The following TXNRD3 variants were observed in gnomAD, a reference collection of about 807,000 sequenced individuals.
TXNRD3 encodes TXNRD3 neighbor gene protein.
In TXNRD3, 68 loss-of-function variants were observed where a neutral mutation model predicts 78.2. The ratio of observed to expected loss-of-function variants is 0.87; its 90% CI spans 0.72 to 1.06. TXNRD3 has a LOEUF of 1.06. Ranked by LOEUF, TXNRD3 falls within the 50% of genes least tolerant of loss-of-function variation. The pLI, the probability that TXNRD3 is intolerant of heterozygous loss-of-function variation, is 0.00. For missense variants in TXNRD3, 751 were observed against 809.5 expected, an observed-to-expected ratio of 0.93 and a Z score of 0.88; for synonymous variants, 296 against 300.1, an observed-to-expected ratio of 0.99 and a Z score of 0.14.
chr3:126,631,094 G>A (rs1938704707), intron 8 of TXNRD3, among the ~76,000 whole-genome samples, 157 bp from the exon 9 acceptor site: 1 of 152,110 alleles, frequency 6.6e-6, no homozygotes, highest in South Asian at 2.1e-4. Flanking sequence ...CTGCTGTGGA[G>A]AGAATGTGGA....
At chr3:126,648,131 CAAG>C (rs909937137) in intron 1 of TXNRD3, among the ~76,000 whole-genome samples, 1 of 152,016 alleles carries the variant, frequency 6.6e-6, no homozygotes, top group Admixed American at 6.5e-5. Flanking sequence ...ATAATAGCAA[CAAG>C]AAGAACTAAA....
In TXNRD3 at chr3:126,630,951, AT is replaced by A. The variant is rs1327082057; in HGVS notation, c.972-15del. 27 of 1,531,792 alleles carry A rather than the reference AT, an allele frequency of 1.8e-5. No individual in the cohort carries two copies. The highest frequency in any genetic ancestry group is 2.4e-5 in the Non-Finnish European group (27 of 1,145,206). 94.9% of individuals were successfully genotyped at this position (1,531,792 alleles called of 1,614,324 possible). A position where few individuals can be genotyped will look rare whatever the true frequency, so the allele number is the denominator to read the frequency against. ...AAAAGGTCATCACTGAAAAATAAAA[AT>A]TAAAAAAAGAATACCTAGGCAGCAA... is the stretch of plus-strand genomic sequence containing the variant. On this transcript the variant is annotated splice_polypyrimidine_tract_variant and intron_variant, in intron 8 of 15. Coordinates refer to ENST00000524230, the MANE Select transcript of TXNRD3 (RefSeq NM_052883.3).
Position 126,631,810 on chromosome 3 carries a change from GC to G in TXNRD3, c.924del (p.Arg308SerfsTer5). The G allele has an allele frequency of 1.3e-6, 2 of 1,535,762 alleles. No homozygotes were observed. Among genetic ancestry groups the G allele is most frequent in the Non-Finnish European group, 1.7e-6 (2 of 1,146,682 alleles). ...TCTCCTTGGATTCCTAAATACCGTG[GC>G]CTTTCACCCGTTGCTATGACAAACT... is the stretch of plus-strand genomic sequence containing the variant. On this transcript the variant is annotated frameshift_variant, in exon 8 of 16. Coordinates refer to ENST00000524230, the MANE Select transcript of TXNRD3 (RefSeq NM_052883.3). LOFTEE classifies it high-confidence loss of function.
At chr3:126,641,626 A>G (rs1933091146) in intron 6 of TXNRD3, among the ~76,000 whole-genome samples, 1 of 152,258 alleles carries the variant, frequency 6.6e-6, no homozygotes, top group East Asian at 1.9e-4. Flanking sequence ...AGCTTAGCCA[A>G]TACATGTTTA....
intron 13 of TXNRD3, among the ~76,000 whole-genome samples, chr3:126,613,898 A>G (rs1241962582): frequency 1.3e-5 from 2 of 152,248 alleles, no homozygotes; most frequent in Non-Finnish European, 2.9e-5. Flanking sequence ...TTATAAATTA[A>G]CTGTAAAACT....
chr3:126,647,528 T>A (rs992244274), intron 1 of TXNRD3, among the ~76,000 whole-genome samples: 2 of 152,174 alleles, frequency 1.3e-5, no homozygotes, highest in African/African-American at 2.4e-5. Context: ...CTTTCAAATC[T>A]ACAACTTTGG....
intron 1 of TXNRD3, among the ~76,000 whole-genome samples, chr3:126,652,432 T>C (rs1003845676): frequency 2.6e-5 from 4 of 152,168 alleles, no homozygotes; most frequent in South Asian, 4.1e-4. Flanking sequence ...CCAAACCATA[T>C]CAATCCCATA....
chr3:126,607,982 G>A lies in TXNRD3; in HGVS notation c.1864-9C>T, dbSNP rs1576276922. 6.7e-7 allele frequency: 1 copy of A among 1,487,916 alleles called. No homozygotes were observed. The highest frequency in any genetic ancestry group is 2.5e-5 in the East Asian group (1 of 39,802). The allele number at this position is 1,487,916 out of a possible 1,614,324, so 92.2% of individuals were successfully genotyped here. On this transcript the variant is annotated splice_polypyrimidine_tract_variant and intron_variant, in intron 15 of 15. Transcript: ENST00000524230. The stretch of plus-strand genomic sequence containing the variant: ...TCCAAAGTCGTGAACACCTGTTCAA[G>A]AGAAAGAAAACAAATACATATTTAG...
In TXNRD3 at chr3:126,631,790, T is replaced by C. The variant is rs1166084707; in HGVS notation, c.945A>G (p.Gln315=). The C allele has an allele frequency of 1.3e-6, 2 of 1,535,262 alleles. No individual in the cohort carries two copies. The highest frequency in any genetic ancestry group is 4.9e-5 in the East Asian group (2 of 40,898). The change falls in exon 8 of 16, where the codon CAA becomes CAG. Residue 315 remains glutamine (Q), a synonymous_variant. Coordinates refer to ENST00000524230, the MANE Select transcript of TXNRD3 (RefSeq NM_052883.3). ...TAGTAATACAGTATTCTTTATCTCC[T>C]TGGATTCCTAAATACCGTGGCCTTT...
At chr3:126,637,932 CTTTTTTTTTTTTTTTTTTTTTT>C (rs71615916) in intron 6 of TXNRD3, among the ~76,000 whole-genome samples, 2 of 60,190 alleles carry the variant, frequency 3.3e-5, no homozygotes, top group African/African-American at 7.2e-5. Context: ...ATTTCTCTCT[CTTTTTTTTTTTTTTTTTTTTTT>C]TTTTTTTTTG....
chr3:126,618,243 CA>C (rs1938360295), intron 12 of TXNRD3, among the ~76,000 whole-genome samples: 1 of 152,056 alleles, frequency 6.6e-6, no homozygotes, highest in Admixed American at 6.6e-5. Flanking sequence ...TATGAAACCA[CA>C]AAAGAAGCCA....
intron 1 of TXNRD3, among the ~76,000 whole-genome samples, chr3:126,653,704 A>G (rs376566403): frequency 6.6e-6 from 1 of 152,242 alleles, no homozygotes; most frequent in East Asian, 1.9e-4. Context: ...CAAGATACCT[A>G]TTCTAGAGTT....
chr3:126,636,923 T>TG (rs1378394478), intron 6 of TXNRD3, among the ~76,000 whole-genome samples: 3 of 149,306 alleles, frequency 2.0e-5, no homozygotes, highest in Non-Finnish European at 4.4e-5. Flanking sequence ...GTTTCTTTTG[T>TG]GATTTTTTTT....
intron 6 of TXNRD3, among the ~76,000 whole-genome samples, chr3:126,640,550 T>C (rs911201163): frequency 2.0e-5 from 3 of 152,170 alleles, no homozygotes; most frequent in African/African-American, 7.2e-5. Flanking sequence ...AGAACCAGGA[T>C]CATCTATGAT....
chr3:126,639,074 AC>A (rs1240237034), intron 6 of TXNRD3, among the ~76,000 whole-genome samples: 1 of 152,218 alleles, frequency 6.6e-6, no homozygotes, highest in East Asian at 1.9e-4. Context: ...TTCACCCTTT[AC>A]AGCCTCTTCC....
chr3:126,623,298 A>T (rs1332165224), intron 10 of TXNRD3, among the ~76,000 whole-genome samples: 2 of 152,228 alleles, frequency 1.3e-5, no homozygotes, highest in Non-Finnish European at 2.9e-5. Flanking sequence ...TAATGGTACA[A>T]AAACTCTTTC....
rs1933100703 is a variant in TXNRD3, at chr3:126,642,021, C to A, written c.712+11G>T. On this transcript the variant is annotated intron_variant, in intron 6 of 15. Transcript: ENST00000524230. ...TTTCTCTCAATCTATACTTTATGAA[C>A]CATTACTCACCTTGTTGATTATATT... 1 of 1,528,138 alleles carries A rather than the reference C, an allele frequency of 6.5e-7. No individual in the cohort carries two copies. Among genetic ancestry groups the A allele is most frequent in the Non-Finnish European group, 8.7e-7 (1 of 1,144,412 alleles). 94.7% of individuals were successfully genotyped at this position (1,528,138 alleles called of 1,614,324 possible).
chr3:126,653,637 G>C (rs1285363825), intron 1 of TXNRD3, among the ~76,000 whole-genome samples: 1 of 152,158 alleles, frequency 6.6e-6, no homozygotes, highest in African/African-American at 2.4e-5. Flanking sequence ...AACTCAGTTG[G>C]GCATTACCTT....
chr3:126,632,672 A>G (rs184196982), intron 7 of TXNRD3, among the ~76,000 whole-genome samples: 268 of 151,922 alleles, frequency 1.8e-3, no homozygotes, highest in African/African-American at 6.1e-3. Context: ...AAAAAAAAAA[A>G]AAAGAAAGAA....
Sources: allele counts gnomAD v4.1 joint callset (sites outside exome capture counted in the v4.1 genomes callset), GRCh38; gene constraint gnomAD v4.1.1; transcripts MANE v1.5; gene names NCBI Gene and HGNC (gene_info 2026-07-23, HGNC 2026-07-21).